Variants in TSGA13 observed in about 807,000 individuals in gnomAD.
TSGA13 encodes testis-specific gene 13 protein.
In TSGA13, 37 loss-of-function variants were observed where a neutral mutation model predicts 35.1. The ratio of observed to expected loss-of-function variants is 1.05; its 90% CI spans 0.81 to 1.39. The LOEUF (loss-of-function observed/expected upper bound fraction) is 1.39. Among genes scored for constraint, TSGA13 ranks in the 40% most tolerant of loss-of-function variants. TSGA13 has a pLI of 0.00. For synonymous variants in TSGA13, 124 were observed against 121.2 expected, an observed-to-expected ratio of 1.02 and a Z score of -0.15; for missense variants, 338 against 328.5, an observed-to-expected ratio of 1.03 and a Z score of -0.22.
At position 130,668,805 on chromosome 7, in the gene TSGA13, C is replaced by CCCGCCCTCCCCGG. The variant is rs1424509785; in HGVS notation, c.*196_*208dup. On this transcript the variant is annotated 3_prime_UTR_variant, in exon 8 of 8. Transcript: ENST00000356588. Reference sequence around the variant, plus strand: ...GCCGCGCCTTCACTCGGGGCCAAGGCCCGCCCTCCCCGGCCGCCCTCGGCC... The same window carrying CCCGCCCTCCCCGG: ...GCCGCGCCTTCACTCGGGGCCAAGGCCCGCCCTCCCCGGCCGCCCTCCCCGGCCGCCCTCGGCC... The CCCGCCCTCCCCGG allele has an allele frequency of 8.2e-5, 103 of 1,260,204 alleles. 1 individual carries two copies. Among genetic ancestry groups the CCCGCCCTCCCCGG allele is most frequent in the Non-Finnish European group, 9.5e-5 (90 of 944,344 alleles). The allele number at this position is 1,260,204 out of a possible 1,614,324, so 78.1% of individuals were successfully genotyped here.
At chr7:130,680,850 G>A (rs1796528936) in intron 4 of TSGA13, 96 bp downstream of exon 4, 1 of 1,110,332 alleles carries the variant, frequency 9.0e-7, no homozygotes, top group African/African-American at 1.5e-5. Flanking sequence ...CAGAAGCTGG[G>A]GACACTTGGA....
At chr7:130,675,157 C>T (rs1584634113) in intron 5 of TSGA13, among the ~76,000 whole-genome samples, 1 of 152,022 alleles carries the variant, frequency 6.6e-6, no homozygotes, top group African/African-American at 2.4e-5. Flanking sequence ...CTCCTACTTT[C>T]TTCCTATCTG....
intron 7 of TSGA13, 126 bp downstream of exon 7, chr7:130,671,535 A>T: frequency 9.1e-7 from 1 of 1,097,540 alleles, no homozygotes; most frequent in Non-Finnish European, 1.2e-6. Flanking sequence ...TCCATGCTAT[A>T]GGGAAAAATA....
At chr7:130,685,433 T>C in intron 1 of TSGA13, 73 bp from the exon 2 acceptor site, 5 of 1,278,074 alleles carry the variant, frequency 3.9e-6, no homozygotes, top group Non-Finnish European at 5.0e-6. Flanking sequence ...TGATGATGCT[T>C]GCTCTTAGAA....
chr7:130,670,101 T>C (rs1554462734), intron 7 of TSGA13, among the ~76,000 whole-genome samples: 1 of 152,210 alleles, frequency 6.6e-6, no homozygotes, highest in Non-Finnish European at 1.5e-5. Context: ...GATCAATCAT[T>C]CTCTGCTGTT....
intron 4 of TSGA13, among the ~76,000 whole-genome samples, 168 bp downstream of exon 4, chr7:130,680,778 T>C (rs1796525795): frequency 6.6e-6 from 1 of 152,172 alleles, no homozygotes; most frequent in Non-Finnish European, 1.5e-5. Context: ...TCCTCAGCAC[T>C]GCCTCTGGCA....
chr7:130,674,736 C>T (rs571775355), intron 5 of TSGA13, among the ~76,000 whole-genome samples: 22 of 152,252 alleles, frequency 1.4e-4, no homozygotes, highest in African/African-American at 5.1e-4. Flanking sequence ...AATTAATTAA[C>T]ATATTGAGCT....
Position 130,686,507 on chromosome 7 carries a change from C to G in TSGA13, c.-396G>C, listed in dbSNP as rs1796662311. On this transcript the variant is annotated 5_prime_UTR_variant, in exon 1 of 8. Transcript: ENST00000356588. ...GCAAAGTCTTTGGCATGGGAACTTT[C>G]CATTTTGAAAATATCGTAATTATTC... The G allele has an allele frequency of 6.6e-6, 1 of 151,766 alleles. No individual in the cohort carries two copies. Among genetic ancestry groups the G allele is most frequent in the African/African-American group, 2.4e-5 (1 of 41,256 alleles). 9.4% of individuals were successfully genotyped at this position (151,766 alleles called of 1,614,324 possible).
At chr7:130,686,214 G>C (rs1796655002) in intron 1 of TSGA13, 48 bp downstream of exon 1, 1 of 152,142 alleles carries the variant, frequency 6.6e-6, no homozygotes. Context: ...AACCCTTAAA[G>C]TTCCCTTCTA....
In TSGA13 at chr7:130,680,974, A is replaced by C. The variant is rs139224962; in HGVS notation, c.146T>G (p.Leu49Arg). 1,106 of 1,614,108 alleles carry C rather than the reference A, an allele frequency of 6.9e-4. 5 individuals are homozygous for C. The highest frequency in any genetic ancestry group is 7.6e-4 in the Non-Finnish European group (902 of 1,180,044). ...ATTTGGATGGACTGTGTAATGCCGA[A>C]GGTTCTCTAGAACAAATTTTGATTG... ...VGQSKFVLEN[L>R]RHYTVHPNLA... is the part of the protein sequence containing the mutation. Residue 49 changes from leucine (L) to arginine (R), a missense_variant, in exon 4 of 8, where the codon CTT (leucine) becomes CGT (arginine). By Grantham distance (102) the Leu-to-Arg change is moderately radical. Coordinates refer to ENST00000356588, the MANE Select transcript of TSGA13 (RefSeq NM_052933.4).
At chr7:130,677,583 C>A (rs35970251) in intron 5 of TSGA13, among the ~76,000 whole-genome samples, 64,244 of 151,898 alleles carry the variant, frequency 0.42, 16,531 homozygotes, top group East Asian at 0.59. Flanking sequence ...CAGCACCACG[C>A]ATGGCTAATT....
chr7:130,687,404 C>G (rs1211150669), upstream of TSGA13: 1 of 152,170 alleles, frequency 6.6e-6, no homozygotes, highest in Admixed American at 6.5e-5. Flanking sequence ...TTTGTGCCCC[C>G]CTCCCAGTGC....
intron 2 of TSGA13, among the ~76,000 whole-genome samples, chr7:130,684,593 T>C (rs1796619080): frequency 6.6e-6 from 1 of 152,210 alleles, no homozygotes; most frequent in South Asian, 2.1e-4. Context: ...AGCCACGCTA[T>C]GTCGTTTGTA....
Position 130,679,613 on chromosome 7 carries a change from G to T in TSGA13, c.175-246C>A, listed in dbSNP as rs113488020. 5.4e-3 allele frequency among the ~76,000 whole-genome samples: 821 copies of T among 152,272 alleles called. 6 individuals carry two copies. Among genetic ancestry groups the T allele is most frequent in the Middle Eastern group, 0.027 (8 of 294 alleles). On this transcript the variant is annotated intron_variant, in intron 4 of 7. Coordinates refer to ENST00000356588, the MANE Select transcript of TSGA13 (RefSeq NM_052933.4). ...CAACCTAGACCTCCCGGGCTCAAGT[G>T]ATTCTCCCACCTTGGCCTCCTAAGT... is the stretch of plus-strand genomic sequence containing the variant.
At chr7:130,676,183 T>C (rs986231979) in intron 5 of TSGA13, among the ~76,000 whole-genome samples, 2 of 152,216 alleles carry the variant, frequency 1.3e-5, no homozygotes, top group African/African-American at 4.8e-5. Context: ...CAAAAGATTA[T>C]CACATTTGTC....
At position 130,672,814 on chromosome 7, in the gene TSGA13, T is replaced by A; in HGVS notation, c.450A>T (p.Lys150Asn). The change falls in exon 6 of 8, where the codon AAA becomes AAT. Residue 150 changes from lysine (K) to asparagine (N), a missense_variant. Lys to Asn is a moderately conservative substitution (Grantham distance 94). Coordinates refer to ENST00000356588, the MANE Select transcript of TSGA13 (RefSeq NM_052933.4). ...TTGGTTTCAGCTTAGATCTTAACTTTTTTTTCTGAGGCATGCGGGGCAGCC... is the reference window on the plus strand; with the variant it reads ...TTGGTTTCAGCTTAGATCTTAACTTATTTTTCTGAGGCATGCGGGGCAGCC... ...NLWLPRMPQKKKLRSKLKPIF... is the reference protein window; with the variant it reads ...NLWLPRMPQKNKLRSKLKPIF... The A allele has an allele frequency of 6.2e-7, 1 of 1,614,104 alleles. No homozygotes were observed. The highest frequency in any genetic ancestry group is 8.5e-7 in the Non-Finnish European group (1 of 1,179,976).
rs371010811 is a variant in TSGA13, at chr7:130,668,751, C to A, written c.*263G>T. On this transcript the variant is annotated 3_prime_UTR_variant, in exon 8 of 8. Coordinates refer to ENST00000356588, the MANE Select transcript of TSGA13 (RefSeq NM_052933.4). Reference sequence around the variant, plus strand: ...CGAGCGGAAGAGGCTGCAGGAAGGCCGGCCCCGCGCTCTCACGCCGGTTGG... The same window carrying A: ...CGAGCGGAAGAGGCTGCAGGAAGGCAGGCCCCGCGCTCTCACGCCGGTTGG... 1,391 of 1,451,228 alleles carry A rather than the reference C, an allele frequency of 9.6e-4. 2 individuals carry two copies. Among genetic ancestry groups the A allele is most frequent in the Non-Finnish European group, 1.2e-3 (1,280 of 1,085,862 alleles). 89.9% of individuals were successfully genotyped at this position (1,451,228 alleles called of 1,614,324 possible).
Position 130,678,303 on chromosome 7 carries a change from C to T in TSGA13, c.387+852G>A, listed in dbSNP as rs1251453585. 4.0e-5 allele frequency among the ~76,000 whole-genome samples: 6 copies of T among 151,710 alleles called. No homozygotes were observed. In the East Asian group the frequency reaches 7.8e-4, roughly 20 times the overall value. ...CTGAGGCAGGAGAATGGCGTGAACC[C>T]GGGAGGCGGAGCTTGCAGTGAGCCG... On this transcript the variant is annotated intron_variant, in intron 5 of 7. Coordinates refer to ENST00000356588, the MANE Select transcript of TSGA13 (RefSeq NM_052933.4).
At chr7:130,679,393 G>A in intron 4 of TSGA13, 26 bp from the exon 5 acceptor site, 2 of 1,570,376 alleles carry the variant, frequency 1.3e-6, no homozygotes, top group Non-Finnish European at 1.7e-6. Context: ...GGTTTCCAGA[G>A]AGAAAAAGAG....
Sources: allele counts gnomAD v4.1 joint callset (sites outside exome capture counted in the v4.1 genomes callset), GRCh38; gene constraint gnomAD v4.1.1; transcripts MANE v1.5; gene names NCBI Gene and HGNC (gene_info 2026-07-23, HGNC 2026-07-21).